Variants in COX5A observed in about 807,000 individuals in gnomAD.
The protein encoded by COX5A is cytochrome c oxidase subunit 5A, mitochondrial.
A neutral mutation model predicts 16.1 loss-of-function variants in COX5A; 6 were observed. The observed-to-expected ratio is 0.37, with a 90% CI of 0.20 to 0.73. COX5A has a LOEUF of 0.73. Among genes scored for constraint, COX5A ranks in the 30% least tolerant of loss-of-function variants. COX5A has a pLI of 0.50. For missense variants in COX5A, 159 were observed against 194.9 expected (o/e 0.82, Z 1.10); for synonymous variants, 73 against 73.8 (o/e 0.99, Z 0.06).
chr15:74,934,222 C>G (rs1042352839), intron 1 of COX5A, among the ~76,000 whole-genome samples: 1 of 152,046 alleles, frequency 6.6e-6, no homozygotes, highest in Non-Finnish European at 1.5e-5. Flanking sequence ...GCACTCTAGC[C>G]TAGGTGATAG....
At chr15:74,920,558 C>G (rs536671674) in intron 4 of COX5A, 116 bp from the exon 5 acceptor site, 8 of 612,952 alleles carry the variant, frequency 1.3e-5, no homozygotes, top group African/African-American at 9.6e-5. Flanking sequence ...GTACCCTTTA[C>G]TGCTCTTACT....
chr15:74,920,388 C>T lies in COX5A; in HGVS notation c.*64G>A. ...GGTAATATGTTATCATCAGTATTTC[C>T]AGGTAACTGTTCACACTCAAGTAGC... is the stretch of plus-strand genomic sequence containing the variant. On this transcript the variant is annotated 3_prime_UTR_variant, in exon 5 of 5. Coordinates refer to ENST00000322347, the MANE Select transcript of COX5A (RefSeq NM_004255.4). 1 of 694,852 alleles carries T rather than the reference C, an allele frequency of 1.4e-6. No homozygotes were observed. Among genetic ancestry groups the T allele is most frequent in the Admixed American group, 2.1e-5 (1 of 48,532 alleles). 43.0% of individuals were successfully genotyped at this position (694,852 alleles called of 1,614,324 possible).
rs1434897468 is a variant in COX5A, at chr15:74,932,625, T to C, written c.101-3393A>G. 2.0e-5 allele frequency among the ~76,000 whole-genome samples: 3 copies of C among 151,842 alleles called. No individual in the cohort carries two copies. In the East Asian group the frequency reaches 5.8e-4, roughly 29 times the overall value. On this transcript the variant is annotated intron_variant, in intron 1 of 4. Coordinates refer to ENST00000322347, the MANE Select transcript of COX5A (RefSeq NM_004255.4). Reference sequence around the variant, plus strand: ...AAAAGATCTTCCCAGAGACCTAAATTACCTACATAATCCAAGCCCAGAATG... The same window carrying C: ...AAAAGATCTTCCCAGAGACCTAAATCACCTACATAATCCAAGCCCAGAATG...
intron 3 of COX5A, among the ~76,000 whole-genome samples, chr15:74,924,560 C>T (rs1049473050): frequency 2.0e-5 from 3 of 152,054 alleles, no homozygotes; most frequent in African/African-American, 7.2e-5. Flanking sequence ...AAGAGGGCAA[C>T]TTATATATGT....
chr15:74,929,324 T>C (rs2141272632), intron 1 of COX5A, 92 bp from the exon 2 acceptor site: 1 of 801,510 alleles, frequency 1.2e-6, no homozygotes, highest in Non-Finnish European at 2.2e-6. Flanking sequence ...ACTATATATG[T>C]TGTGGCAGCA....
intron 3 of COX5A, among the ~76,000 whole-genome samples, chr15:74,924,717 G>A (rs920862555): frequency 2.0e-5 from 3 of 152,094 alleles, no homozygotes; most frequent in Non-Finnish European, 2.9e-5. Context: ...CAGGCAACAC[G>A]AATAATTAAG....
intron 1 of COX5A, among the ~76,000 whole-genome samples, chr15:74,933,917 A>G (rs2141274531): frequency 6.6e-6 from 1 of 152,358 alleles, no homozygotes; most frequent in East Asian, 1.9e-4. Context: ...ATCCAAGTCA[A>G]GGAGATCACC....
At chr15:74,933,024 T>A (rs2065373827) in intron 1 of COX5A, among the ~76,000 whole-genome samples, 1 of 151,852 alleles carries the variant, frequency 6.6e-6, no homozygotes, top group African/African-American at 2.4e-5. Context: ...AAAAAATGGA[T>A]CTCTACACCT....
At position 74,923,161 on chromosome 15, in the gene COX5A, C is replaced by G. The variant is rs188376046; in HGVS notation, c.*9+487G>C. Among the ~76,000 whole-genome samples, 80 of 152,094 alleles carry G rather than the reference C, an allele frequency of 5.3e-4. 1 individual carries two copies. Among genetic ancestry groups the G allele is most frequent in the African/African-American group, 1.8e-3 (76 of 41,502 alleles). ...AATAATGATGCCGGGCGCGGTGGCT[C>G]AAGCCTGTAATCCCAGCACTTTGGG... On this transcript the variant is annotated intron_variant, in intron 4 of 4. Transcript: ENST00000322347.
chr15:74,922,957 A>G (rs974672240), intron 4 of COX5A, among the ~76,000 whole-genome samples: 2 of 151,966 alleles, frequency 1.3e-5, no homozygotes, highest in Non-Finnish European at 2.9e-5. Context: ...GCCCAGCCCA[A>G]ATAGAAATAC....
In COX5A at chr15:74,920,016, A is replaced by G. The variant is rs1133322; in HGVS notation, c.*436T>C. 0.41 allele frequency: 104,505 copies of G among 254,372 alleles called. 25,874 individuals are homozygous for G. Among genetic ancestry groups the G allele is most frequent in the Non-Finnish European group, 0.54 (73,264 of 135,918 alleles). 15.8% of individuals were successfully genotyped at this position (254,372 alleles called of 1,614,324 possible). A position where few individuals can be genotyped will look rare whatever the true frequency, so the allele number is the denominator to read the frequency against. On this transcript the variant is annotated 3_prime_UTR_variant, in exon 5 of 5. Transcript: ENST00000322347. Reference sequence around the variant, plus strand: ...TAAAACCTGTTTTGGAAAGGTACACAATTTGATCTATCCCCACAGACAACC... The same window carrying G: ...TAAAACCTGTTTTGGAAAGGTACACGATTTGATCTATCCCCACAGACAACC...
intron 4 of COX5A, among the ~76,000 whole-genome samples, chr15:74,921,473 T>C (rs1380888413): frequency 6.7e-6 from 1 of 148,620 alleles, no homozygotes; most frequent in Non-Finnish European, 1.5e-5. Context: ...CTCACACCTG[T>C]AAGCCCAGCA....
chr15:74,922,160 G>A (rs1029636910), intron 4 of COX5A, among the ~76,000 whole-genome samples: 4 of 152,132 alleles, frequency 2.6e-5, no homozygotes, highest in African/African-American at 9.7e-5. Flanking sequence ...GCTGAGGCGG[G>A]TGGATCACCT....
chr15:74,929,313 G>C (rs1252201583), intron 1 of COX5A, 81 bp from the exon 2 acceptor site: 2 of 934,684 alleles, frequency 2.1e-6, no homozygotes, highest in East Asian at 2.4e-5. Flanking sequence ...ATTTTGAGTT[G>C]ACTATATATG....
At chr15:74,928,996 G>A (rs974574523) in intron 2 of COX5A, 120 bp downstream of exon 2, 1 of 729,730 alleles carries the variant, frequency 1.4e-6, no homozygotes, top group Non-Finnish European at 2.4e-6. Context: ...CTAACTGCAA[G>A]TTGCATGAAG....
intron 1 of COX5A, among the ~76,000 whole-genome samples, chr15:74,936,920 C>T (rs2065393175): frequency 6.6e-6 from 1 of 152,138 alleles, no homozygotes; most frequent in African/African-American, 2.4e-5. Flanking sequence ...TGAGCCACCG[C>T]GCCCGGCTGA....
intron 1 of COX5A, among the ~76,000 whole-genome samples, chr15:74,932,352 G>T (rs1257338949): frequency 7.1e-6 from 1 of 140,576 alleles, no homozygotes; most frequent in Non-Finnish European, 1.5e-5. Context: ...TGGGGGTCTT[G>T]ATATGTTGCC....
chr15:74,934,796 G>A (rs1866576419), intron 1 of COX5A, among the ~76,000 whole-genome samples: 1 of 152,028 alleles, frequency 6.6e-6, no homozygotes, highest in African/African-American at 2.4e-5. Context: ...ACCTAGTATT[G>A]AAGCTTGAAA....
chr15:74,933,439 CTATCTATCTATCTATCTAT>C, intron 1 of COX5A, among the ~76,000 whole-genome samples: 1 of 125,948 alleles, frequency 7.9e-6, no homozygotes, highest in Non-Finnish European at 1.6e-5. Flanking sequence ...ATCTATCTAT[CTATCTATCTATCTATCTAT>C]CTATCTATGT....
Sources: gnomAD v4.1 joint callset for allele counts (sites outside exome capture counted in the v4.1 genomes callset) on GRCh38, gnomAD v4.1.1 for gene constraint, MANE v1.5 for transcripts, NCBI Gene and HGNC (gene_info 2026-07-23, HGNC 2026-07-21) for gene names.